GLRA3: variants seen among roughly 807,000 people sequenced by gnomAD.
GLRA3 encodes glycine receptor alpha 3, also known as glycine receptor subunit alpha-3.
In GLRA3, 44 loss-of-function variants were observed where a neutral mutation model predicts 60.4. The ratio of observed to expected loss-of-function variants is 0.73; its 90% confidence interval spans 0.57 to 0.94. The LOEUF is 0.94. Ranked by LOEUF, GLRA3 falls within the 40% of genes least tolerant of loss-of-function variation. GLRA3 has a pLI of 0.00. For synonymous variants in GLRA3, 223 were observed against 192.9 expected (o/e 1.16, Z -1.29); for missense variants, 508 against 564.6 (o/e 0.90, Z 1.02).
intron 3 of GLRA3, among the ~76,000 whole-genome samples, chr4:174,752,955 G>A (rs1484399014): frequency 6.6e-6 from 1 of 152,086 alleles, no homozygotes; most frequent in East Asian, 1.9e-4. Context: ...GTAAATCCAT[G>A]TTTCTTCATG....
At chr4:174,781,484 T>C (rs1211539545) in intron 2 of GLRA3, among the ~76,000 whole-genome samples, 1 of 133,904 alleles carries the variant, frequency 7.5e-6, no homozygotes, top group Non-Finnish European at 1.6e-5. Context: ...CTGAAGGAAA[T>C]AGAGACACAA....
At chr4:174,784,774 A>G (rs1360157021) in intron 2 of GLRA3, among the ~76,000 whole-genome samples, 1 of 152,172 alleles carries the variant, frequency 6.6e-6, no homozygotes, top group Non-Finnish European at 1.5e-5. Context: ...TTTAAATAAT[A>G]GTTTTTAAAA....
chr4:174,696,984 CAT>C (rs1187280526), intron 5 of GLRA3, among the ~76,000 whole-genome samples: 1 of 152,112 alleles, frequency 6.6e-6, no homozygotes, highest in African/African-American at 2.4e-5. Context: ...CTAGCACAAA[CAT>C]ACCAGTTTTG....
intron 1 of GLRA3, among the ~76,000 whole-genome samples, chr4:174,812,363 G>A (rs1179040828): frequency 6.6e-6 from 1 of 151,956 alleles, no homozygotes; most frequent in Non-Finnish European, 1.5e-5. Flanking sequence ...AGCAGAGTAG[G>A]GACTCATTCA....
chr4:174,646,328 ATTT>A (rs1732812662), intron 9 of GLRA3, among the ~76,000 whole-genome samples: 1 of 152,206 alleles, frequency 6.6e-6, no homozygotes, highest in African/African-American at 2.4e-5. Flanking sequence ...GAGCAACCGA[ATTT>A]TTCTCAATTG....
intron 1 of GLRA3, among the ~76,000 whole-genome samples, chr4:174,810,015 T>C (rs2111366247): frequency 6.6e-6 from 1 of 152,302 alleles, no homozygotes; most frequent in Non-Finnish European, 1.5e-5. Flanking sequence ...CACTTACTCA[T>C]TTTCATCTTC....
rs578228008 is a variant in GLRA3 at position 174,752,871 on chromosome 4, G to A, written c.267+14092C>T. Among the ~76,000 whole-genome samples the A allele has an allele frequency of 1.2e-3, 181 of 152,140 alleles. 1 individual carries two copies. Among genetic ancestry groups the A allele is most frequent in the Non-Finnish European group, 2.0e-3 (139 of 67,996 alleles). On this transcript the variant is annotated intron_variant, in intron 3 of 9. Transcript: ENST00000274093. ...TCTTATGCTTTATCTAGCCTCTGGAGTGTTGGCAATATTCCAAGAAACTAC... is the reference window on the plus strand; with the variant it reads ...TCTTATGCTTTATCTAGCCTCTGGAATGTTGGCAATATTCCAAGAAACTAC...
At chr4:174,770,519 T>C (rs1738338740) in intron 2 of GLRA3, among the ~76,000 whole-genome samples, 1 of 152,086 alleles carries the variant, frequency 6.6e-6, no homozygotes, top group African/African-American at 2.4e-5. Flanking sequence ...TTAAAAGCGT[T>C]GCCTATTATA....
At chr4:174,828,680 GGT>G in intron 1 of GLRA3, 59 bp downstream of exon 1, 1 of 980,810 alleles carries the variant, frequency 1.0e-6, no homozygotes, top group Middle Eastern at 2.1e-4. Flanking sequence ...AATAACAAGT[GGT>G]TGCAACGTAA....
rs146250394 is a variant in GLRA3, at chr4:174,684,348, C to T, written c.575-1409G>A. ...GAAAAGTACTACCACATAATGCCTC[C>T]TTGATTTAATCATTAAACATGGGAC... On this transcript the variant is annotated intron_variant, in intron 5 of 9. Transcript: ENST00000274093. Among the ~76,000 whole-genome samples, 679 of 152,104 alleles carry T rather than the reference C, an allele frequency of 4.5e-3. 2 individuals carry two copies. The highest frequency in any genetic ancestry group is 0.016 in the African/African-American group (653 of 41,504).
intron 2 of GLRA3, among the ~76,000 whole-genome samples, chr4:174,767,883 G>C (rs1010485269): frequency 6.6e-6 from 1 of 152,050 alleles, no homozygotes; most frequent in Non-Finnish European, 1.5e-5. Context: ...GCTTTTCAGA[G>C]CTGCCTAAGA....
rs180674924 is a variant in GLRA3, at chr4:174,745,652, A to T, written c.268-16954T>A. 1.4e-4 allele frequency among the ~76,000 whole-genome samples: 21 copies of T among 152,260 alleles called. No individual in the cohort carries two copies. In the East Asian group the frequency reaches 3.9e-3, roughly 28 times the overall value. On this transcript the variant is annotated intron_variant, in intron 3 of 9. Transcript: ENST00000274093. ...TAGACAAATGAGACCATATTAAACT[A>T]AAAAGCCCCTACAAAGCAAAATAAA...
At chr4:174,798,225 C>A (rs1739646743) in intron 1 of GLRA3, among the ~76,000 whole-genome samples, 2 of 152,154 alleles carry the variant, frequency 1.3e-5, no homozygotes, top group South Asian at 4.2e-4. Flanking sequence ...GCTCCTGAAG[C>A]AGGGAAGGTT....
intron 3 of GLRA3, among the ~76,000 whole-genome samples, chr4:174,730,063 C>A (rs1736493960): frequency 6.6e-6 from 1 of 152,138 alleles, no homozygotes; most frequent in Non-Finnish European, 1.5e-5. Context: ...ATTTTTTCTG[C>A]TTGCTAGCTG....
At chr4:174,687,936 A>G (rs959628727) in intron 5 of GLRA3, among the ~76,000 whole-genome samples, 5 of 152,116 alleles carry the variant, frequency 3.3e-5, no homozygotes, top group African/African-American at 1.2e-4. Flanking sequence ...ATGGTTTCCA[A>G]TTCCACATTG....
At chr4:174,673,369 A>G (rs1231394473) in intron 7 of GLRA3, among the ~76,000 whole-genome samples, 1 of 152,128 alleles carries the variant, frequency 6.6e-6, no homozygotes, top group South Asian at 2.1e-4. Context: ...ATTTATACTA[A>G]AAATAATTGA....
chr4:174,659,137 C>T lies in GLRA3; in HGVS notation c.988G>A (p.Ala330Thr), dbSNP rs1394855263. The change falls in exon 8 of 10, where the codon GCA becomes ACA. Residue 330 changes from alanine (A) to threonine (T), a missense_variant. By Grantham distance (58) the Ala-to-Thr change is moderately conservative. This residue lies in a region of GLRA3 where 176 missense variants were observed against 197.9 expected (regional missense o/e 0.89). Coordinates refer to ENST00000274093, the MANE Select transcript of GLRA3 (RefSeq NM_006529.4). ...MAVCLLFVFS[A>T]LLEYAAVNFV... The stretch of plus-strand genomic sequence containing the variant: ...TTTACAGCTGCATACTCCAGAAGTG[C>T]TGAAAACACAAAAAGGAGGCATACT... The T allele has an allele frequency of 2.5e-6, 4 of 1,611,322 alleles. No homozygotes were observed. The highest frequency in any genetic ancestry group is 2.5e-6 in the Non-Finnish European group (3 of 1,178,046).
At chr4:174,697,772 G>T (rs1255404399) in intron 5 of GLRA3, among the ~76,000 whole-genome samples, 1 of 152,048 alleles carries the variant, frequency 6.6e-6, no homozygotes, top group Non-Finnish European at 1.5e-5. Context: ...CAATAACTTT[G>T]TTCATATTTC....
rs1282997014 is a variant in GLRA3, at chr4:174,640,209, A to G, written c.*3577T>C. On this transcript the variant is annotated 3_prime_UTR_variant, in exon 10 of 10. Transcript: ENST00000274093. ...TGTTAATGATATCTGTCTAAGGATC[A>G]TTAGATACATTTTTGTTCTCAGAGT... is the stretch of plus-strand genomic sequence containing the variant. The G allele has an allele frequency of 6.6e-6, 1 of 152,126 alleles. No homozygotes were observed. Among genetic ancestry groups the G allele is most frequent in the Non-Finnish European group, 1.5e-5 (1 of 67,978 alleles). The allele number at this position is 152,126 out of a possible 1,614,324, so 9.4% of individuals were successfully genotyped here.
Sources: allele counts gnomAD v4.1 joint callset (sites outside exome capture counted in the v4.1 genomes callset), GRCh38; gene constraint gnomAD v4.1.1; regional missense constraint gnomAD v4.1.1; transcripts MANE v1.5; gene names NCBI Gene and HGNC (gene_info 2026-07-23, HGNC 2026-07-21).